The following HELLS variants were observed in gnomAD, a reference collection of about 807,000 sequenced individuals.
HELLS encodes helicase, lymphoid specific, also known as lymphoid-specific helicase.
A neutral mutation model predicts 120.0 loss-of-function variants in HELLS; 32 were observed. The observed-to-expected ratio is 0.27, with a 90% CI of 0.20 to 0.36. The LOEUF is 0.36. Among genes scored for constraint, HELLS ranks in the 10% least tolerant of loss-of-function variants. The pLI, the probability that HELLS is intolerant of heterozygous loss-of-function variation, is 1.00. For synonymous variants in HELLS, 341 were observed against 323.4 expected (o/e 1.05, Z -0.58); for missense variants, 650 against 993.4 (o/e 0.65, Z 4.65).
chr10:94,597,823 G>A (rs1845813069), intron 21 of HELLS, among the ~76,000 whole-genome samples: 1 of 152,180 alleles, frequency 6.6e-6, no homozygotes, highest in Non-Finnish European at 1.5e-5. Context: ...ATGAGCCACT[G>A]CACCAAGCCT....
Position 94,601,659 on chromosome 10 carries a change from T to A in HELLS, c.*37T>A. On this transcript the variant is annotated 3_prime_UTR_variant, in exon 22 of 22. Coordinates refer to ENST00000348459, the MANE Select transcript of HELLS (RefSeq NM_018063.5). Reference sequence around the variant, plus strand: ...AGAATAGCTTTTAAAAGTTCTTATTTACATCTAGTGATTTCCCTGTATTGG... The same window carrying A: ...AGAATAGCTTTTAAAAGTTCTTATTAACATCTAGTGATTTCCCTGTATTGG... The A allele has an allele frequency of 9.2e-7, 1 of 1,085,802 alleles. No individual in the cohort carries two copies. 67.3% of individuals were successfully genotyped at this position (1,085,802 alleles called of 1,614,324 possible).
At chr10:94,601,449 ACAT>A in intron 21 of HELLS, 76 bp from the exon 22 acceptor site, 1 of 784,284 alleles carries the variant, frequency 1.3e-6, no homozygotes, top group Non-Finnish European at 2.2e-6. Context: ...ACTTCTCATA[ACAT>A]CATATTGGAT....
chr10:94,558,696 G>C (rs1367906321), intron 4 of HELLS, among the ~76,000 whole-genome samples: 1 of 152,024 alleles, frequency 6.6e-6, no homozygotes, highest in African/African-American at 2.4e-5. Flanking sequence ...CTGCCTCCCG[G>C]GTTCACGCCA....
At chr10:94,575,378 C>T (rs7096602) in intron 9 of HELLS, among the ~76,000 whole-genome samples, 138 of 151,810 alleles carry the variant, frequency 9.1e-4, no homozygotes, top group African/African-American at 3.1e-3. Context: ...GGATTATAGA[C>T]GTGAGCCACT....
At chr10:94,589,860 C>A (rs965075865) in intron 13 of HELLS, among the ~76,000 whole-genome samples, 1 of 151,680 alleles carries the variant, frequency 6.6e-6, no homozygotes, top group African/African-American at 2.4e-5. Flanking sequence ...CTAATTTTTT[C>A]TATTTTTGAG....
At chr10:94,589,168 A>C (rs1437611498) in intron 13 of HELLS, among the ~76,000 whole-genome samples, 5 of 152,230 alleles carry the variant, frequency 3.3e-5, no homozygotes, top group Admixed American at 1.3e-4. Flanking sequence ...AAATAAAAAA[A>C]AAATGTATAT....
Position 94,546,955 on chromosome 10 carries a change from C to A in HELLS, c.153+457C>A, listed in dbSNP as rs568950113. 2.0e-5 allele frequency among the ~76,000 whole-genome samples: 3 copies of A among 152,296 alleles called. No homozygotes were observed. The East Asian group carries it at 5.8e-4, about 29-fold the overall frequency. On this transcript the variant is annotated intron_variant, in intron 2 of 21. Transcript: ENST00000348459. ...GGCTGGAATCCAAGTCTAATGATTT[C>A]CTTATACTGTAGTGCTGTTTTCCAC...
chr10:94,578,237 GA>G (rs995651191), intron 10 of HELLS, among the ~76,000 whole-genome samples: 3 of 150,956 alleles, frequency 2.0e-5, no homozygotes, highest in Non-Finnish European at 3.0e-5. Flanking sequence ...GTCTCAAAAA[GA>G]AAAAAAAATT....
chr10:94,605,972 A>C (rs568796356), downstream of HELLS, among the ~76,000 whole-genome samples: 13 of 151,456 alleles, frequency 8.6e-5, no homozygotes, highest in East Asian at 1.9e-3. Flanking sequence ...AGGTGGGGGG[A>C]ACCAGCCTTT....
intron 6 of HELLS, among the ~76,000 whole-genome samples, chr10:94,564,528 C>T (rs993454940): frequency 3.9e-5 from 6 of 152,106 alleles, no homozygotes; most frequent in African/African-American, 1.4e-4. Context: ...TTTCATTTCT[C>T]ACTTTTTACT....
At chr10:94,602,107 A>G (rs1267249302), downstream of HELLS, 7 of 152,548 alleles carry the variant, frequency 4.6e-5, no homozygotes, top group African/African-American at 1.7e-4. Context: ...TGATCTCATT[A>G]AATTATTTCT....
intron 4 of HELLS, 50 bp from the exon 5 acceptor site, chr10:94,562,641 T>G: frequency 7.8e-7 from 1 of 1,279,556 alleles, no homozygotes; most frequent in Non-Finnish European, 1.1e-6. Flanking sequence ...TAACGTATAA[T>G]ACTATGAAGG....
At chr10:94,560,999 T>A (rs1028157964) in intron 4 of HELLS, among the ~76,000 whole-genome samples, 2 of 150,398 alleles carry the variant, frequency 1.3e-5, no homozygotes, top group Non-Finnish European at 3.0e-5. Context: ...GAGGTTGCAG[T>A]GAGCTGAGAT....
chr10:94,559,620 A>G (rs1044399067), intron 4 of HELLS, among the ~76,000 whole-genome samples: 1 of 151,372 alleles, frequency 6.6e-6, no homozygotes, highest in Non-Finnish European at 1.5e-5. Context: ...TAATTTTTGT[A>G]TTTTTAGTAG....
At chr10:94,564,975 C>A (rs1843720485) in intron 6 of HELLS, among the ~76,000 whole-genome samples, 1 of 152,162 alleles carries the variant, frequency 6.6e-6, no homozygotes, top group African/African-American at 2.4e-5. Context: ...TCTAGCTCTT[C>A]AGAAGAAAAA....
intron 21 of HELLS, among the ~76,000 whole-genome samples, chr10:94,597,677 C>T (rs1333080253): frequency 6.6e-6 from 1 of 152,048 alleles, no homozygotes; most frequent in Admixed American, 6.6e-5. Context: ...GTATTACAGT[C>T]GCCTGCCACC....
intron 6 of HELLS, among the ~76,000 whole-genome samples, chr10:94,563,697 C>G (rs531082300): frequency 2.8e-4 from 43 of 152,078 alleles, no homozygotes; most frequent in Non-Finnish European, 5.0e-4. Flanking sequence ...CATATGTTGC[C>G]TAGGCTGCTC....
chr10:94,560,269 A>T (rs1843484367), intron 4 of HELLS, among the ~76,000 whole-genome samples: 1 of 152,136 alleles, frequency 6.6e-6, no homozygotes, highest in Non-Finnish European at 1.5e-5. Context: ...TGATCTTGTG[A>T]TCCACTTGCC....
exon 10 of HELLS, chr10:94,611,938 C>G (rs1846196805): frequency 6.6e-6 from 1 of 152,162 alleles, no homozygotes; most frequent in African/African-American, 2.4e-5. Flanking sequence ...AGCTGATAAT[C>G]CATGCTCAGC....
Sources: allele counts gnomAD v4.1 joint callset (sites outside exome capture counted in the v4.1 genomes callset), GRCh38; gene constraint gnomAD v4.1.1; transcripts MANE v1.5; gene names NCBI Gene and HGNC (gene_info 2026-07-23, HGNC 2026-07-21).